Variants in ZSCAN21 observed in about 807,000 individuals in gnomAD.
ZSCAN21 encodes the protein zinc finger and SCAN domain containing 21.
A neutral mutation model predicts 35.6 loss-of-function variants in ZSCAN21; 26 were observed. That is an observed-to-expected ratio of 0.73 (90% CI 0.54 to 1.01). The LOEUF (loss-of-function observed/expected upper bound fraction) is 1.01, where lower values mean the gene tolerates loss of function less well. Ranked by LOEUF, ZSCAN21 falls within the 50% of genes least tolerant of loss-of-function variation. The pLI, the probability that ZSCAN21 is intolerant of heterozygous loss-of-function variation, is 0.00. For synonymous variants in ZSCAN21, 219 were observed against 219.3 expected, an observed-to-expected ratio of 1.00 and a Z score of 0.01; for missense variants, 593 against 587.1, an observed-to-expected ratio of 1.01 and a Z score of -0.10.
Position 100,057,346 on chromosome 7 carries a change from G to A in ZSCAN21, c.340G>A (p.Glu114Lys), listed in dbSNP as rs765893826. 2 of 1,598,310 alleles carry A rather than the reference G, an allele frequency of 1.3e-6. No individual in the cohort carries two copies. Among genetic ancestry groups the A allele is most frequent in the South Asian group, 1.1e-5 (1 of 88,898 alleles). Residue 114 changes from glutamate (E) to lysine (K), a missense_variant, in exon 2 of 4, where the codon GAA becomes AAA. Transcript: ENST00000292450. ...GCAGGAGCATTGCCCGGAGAGCGCTGAAGAGGCTGTCACTCTCCTCGAAGA... is the reference window on the plus strand; with the variant it reads ...GCAGGAGCATTGCCCGGAGAGCGCTAAAGAGGCTGTCACTCTCCTCGAAGA... ...WVQEHCPESA[E>K]EAVTLLEDLE...
Position 100,064,919 on chromosome 7 carries a change from A to T in ZSCAN21, c.*302A>T. 1 of 1,612,878 alleles carries T rather than the reference A, an allele frequency of 6.2e-7. No homozygotes were observed. Among genetic ancestry groups the T allele is most frequent in the Non-Finnish European group, 8.5e-7 (1 of 1,179,552 alleles). ...AAACAGACGTGTATCCAGTCTAGTT[A>T]AGGAAGAAACATTAAGATTGTTTAA... is the stretch of plus-strand genomic sequence containing the variant. On this transcript the variant is annotated 3_prime_UTR_variant, in exon 4 of 4. Coordinates refer to ENST00000292450, the MANE Select transcript of ZSCAN21 (RefSeq NM_145914.3).
chr7:100,056,878 T>G, intron 1 of ZSCAN21, 33 bp from the exon 2 acceptor site: 2 of 1,000,962 alleles, frequency 2.0e-6, no homozygotes, highest in South Asian at 1.9e-5. Flanking sequence ...CACTTTTCAG[T>G]TTGATTATTT....
Position 100,063,911 on chromosome 7 carries a change from G to A in ZSCAN21, c.716G>A (p.Arg239Lys). The A allele has an allele frequency of 1.2e-6, 2 of 1,614,164 alleles. No homozygotes were observed. The highest frequency in any genetic ancestry group is 1.7e-6 in the Non-Finnish European group (2 of 1,180,038). ...AATAAACCTGAGGCCAGCTTAGAGA[G>A]GCAGTGCGTAAACCTTGAAAATGAA... is the stretch of plus-strand genomic sequence containing the variant. ...IANKPEASLERQCVNLENEKG... is the reference protein window; with the variant it reads ...IANKPEASLEKQCVNLENEKG... The change falls in exon 4 of 4, where the codon AGG (arginine) becomes AAG (lysine). Residue 239 changes from arginine (R) to lysine (K), a missense_variant. Physicochemically the swap from Arg to Lys is conservative, Grantham distance 26. Transcript: ENST00000292450.
intron 3 of ZSCAN21, among the ~76,000 whole-genome samples, chr7:100,060,912 G>A (rs970953527): frequency 7.3e-5 from 11 of 150,608 alleles, no homozygotes; most frequent in African/African-American, 2.2e-4. Context: ...TTAGTCGAGT[G>A]TATTGGTACA....
chr7:100,064,558 A>G lies in ZSCAN21; in HGVS notation c.1363A>G (p.Ser455Gly). ...WCHHCGKTFC[S>G]KSNLSKHQRV... ...TCATCACTGTGGAAAGACCTTCTGT[A>G]GCAAGTCCAATCTTTCCAAACATCA... Residue 455 changes from serine to glycine, a missense_variant, in exon 4 of 4, where the codon AGC becomes GGC. Transcript: ENST00000292450. 1 of 1,614,246 alleles carries G rather than the reference A, an allele frequency of 6.2e-7. No homozygotes were observed. Among genetic ancestry groups the G allele is most frequent in the Non-Finnish European group, 8.5e-7 (1 of 1,180,042 alleles).
At chr7:100,050,412 C>T (rs1791817117) in intron 1 of ZSCAN21, among the ~76,000 whole-genome samples, 1 of 152,124 alleles carries the variant, frequency 6.6e-6, no homozygotes, top group Non-Finnish European at 1.5e-5. Context: ...AGTGTCAGGA[C>T]AAAGTTGATT....
At chr7:100,051,008 A>G (rs1791840003) in intron 1 of ZSCAN21, among the ~76,000 whole-genome samples, 1 of 151,338 alleles carries the variant, frequency 6.6e-6, no homozygotes, top group Non-Finnish European at 1.5e-5. Flanking sequence ...CCTGACCAAC[A>G]TGGAGAAACC....
rs138818194 is a variant in ZSCAN21 at position 100,061,471 on chromosome 7, A to G, written c.593-2317A>G. ...TGGGAGGTGGAGGTTGCAGTGAGCT[A>G]AGATTATGCCACTGTACTCCCACCT... On this transcript the variant is annotated intron_variant, in intron 3 of 3. Coordinates refer to ENST00000292450, the MANE Select transcript of ZSCAN21 (RefSeq NM_145914.3). Among the ~76,000 whole-genome samples the G allele has an allele frequency of 7.9e-5, 12 of 152,254 alleles. No homozygotes were observed. The East Asian group carries it at 1.9e-3, about 24-fold the overall frequency.
rs368127416 is a variant in ZSCAN21, at chr7:100,056,984, G to A, written c.-23G>A. 1.8e-5 allele frequency: 28 copies of A among 1,555,738 alleles called. No homozygotes were observed. The highest frequency in any genetic ancestry group is 2.3e-5 in the Non-Finnish European group (27 of 1,150,350). ...CCTGCCCCACAGAGTCCCATCTTTG[G>A]TGAGGCTGTTTCTGGAGTTTACATG... On this transcript the variant is annotated 5_prime_UTR_variant, in exon 2 of 4. In the 5' UTR this introduces an upstream ATG that the reference lacks. Transcript: ENST00000292450.
rs752063106 is a variant in ZSCAN21, at chr7:100,063,949, C to A, written c.754C>A (p.Pro252Thr). 1 of 1,614,100 alleles carries A rather than the reference C, an allele frequency of 6.2e-7. No homozygotes were observed. The highest frequency in any genetic ancestry group is 1.7e-5 in the Admixed American group (1 of 60,008). Residue 252 changes from proline to threonine, a missense_variant, in exon 4 of 4, where the codon CCC (proline) becomes ACC (threonine). Pro to Thr is a conservative substitution (Grantham distance 38, BLOSUM62 -1). Coordinates refer to ENST00000292450, the MANE Select transcript of ZSCAN21 (RefSeq NM_145914.3). ...CCTTGAAAATGAAAAAGGAACAAAA[C>A]CCCCTCTTCAAGAGGCAGGCTCCAA... is the stretch of plus-strand genomic sequence containing the variant. Reference protein sequence around the residue: ...VNLENEKGTKPPLQEAGSKKG... With the variant: ...VNLENEKGTKTPLQEAGSKKG...
chr7:100,051,045 G>A (rs1196535701), intron 1 of ZSCAN21, among the ~76,000 whole-genome samples: 1 of 150,970 alleles, frequency 6.6e-6, no homozygotes, highest in Admixed American at 6.6e-5. Context: ...TACAAAATTA[G>A]GCGGGCGTGG....
Position 100,063,963 on chromosome 7 carries a change from G to T in ZSCAN21, c.768G>T (p.Glu256Asp). The T allele has an allele frequency of 6.2e-7, 1 of 1,614,132 alleles. No homozygotes were observed. The highest frequency in any genetic ancestry group is 8.5e-7 in the Non-Finnish European group (1 of 1,180,002). The change falls in exon 4 of 4, where the codon GAG (glutamate) becomes GAT (aspartate). Residue 256 changes from glutamate to aspartate, a missense_variant. Transcript: ENST00000292450. ...AAGGAACAAAACCCCCTCTTCAAGA[G>T]GCAGGCTCCAAGAAAGGTAGAGAAT... ...NEKGTKPPLQ[E>D]AGSKKGRESV... is the part of the protein sequence containing the mutation.
Position 100,064,306 on chromosome 7 carries a change from G to A in ZSCAN21, c.1111G>A (p.Gly371Arg). The change falls in exon 4 of 4, where the codon GGG (glycine) becomes AGG (arginine). Residue 371 changes from glycine (G) to arginine (R), a missense_variant. By Grantham distance (125) the Gly-to-Arg change is moderately radical (BLOSUM62 -2). Transcript: ENST00000292450. Reference sequence around the variant, plus strand: ...CAAAGATTGTGGCAAGGCTTTCAGCGGGAAAGGCAGCCTCATTCGTCACTA... The same window carrying A: ...CAAAGATTGTGGCAAGGCTTTCAGCAGGAAAGGCAGCCTCATTCGTCACTA... ...QCKDCGKAFS[G>R]KGSLIRHYRI... 2.5e-6 allele frequency: 4 copies of A among 1,613,990 alleles called. No individual in the cohort carries two copies. Among genetic ancestry groups the A allele is most frequent in the South Asian group, 1.1e-5 (1 of 91,066 alleles).
chr7:100,054,469 C>T (rs747112895), intron 1 of ZSCAN21, among the ~76,000 whole-genome samples: 9 of 151,710 alleles, frequency 5.9e-5, no homozygotes, highest in African/African-American at 1.9e-4. Flanking sequence ...AGGTTGGTCT[C>T]GAACTCCTGA....
At chr7:100,060,353 G>T (rs942933857) in intron 3 of ZSCAN21, among the ~76,000 whole-genome samples, 2 of 152,082 alleles carry the variant, frequency 1.3e-5, no homozygotes, top group East Asian at 3.9e-4. Flanking sequence ...CATGAGGTCA[G>T]GAGATGGAGA....
intron 3 of ZSCAN21, 96 bp downstream of exon 3, chr7:100,057,986 T>G (rs985887446): frequency 8.5e-7 from 1 of 1,178,788 alleles, no homozygotes; most frequent in African/African-American, 1.6e-5. Flanking sequence ...GGTGATTTCA[T>G]AGATTGACTT....
chr7:100,051,668 G>C (rs2116052690), intron 1 of ZSCAN21: 1 of 152,044 alleles, frequency 6.6e-6, no homozygotes, highest in South Asian at 2.1e-4. Flanking sequence ...TCTACTTTTA[G>C]AATCTATGGT....
intron 1 of ZSCAN21, among the ~76,000 whole-genome samples, chr7:100,053,547 T>TACATAGG (rs1491459059): frequency 2.1e-4 from 4 of 18,636 alleles, no homozygotes; most frequent in East Asian, 2.0e-3. Context: ...ACATACATAA[T>TACATAGG]TTTTTTTTTT....
intron 1 of ZSCAN21, among the ~76,000 whole-genome samples, chr7:100,055,963 C>T (rs1158843754): frequency 2.8e-5 from 4 of 144,852 alleles, no homozygotes; most frequent in African/African-American, 1.0e-4. Flanking sequence ...TTTTTTTAGA[C>T]GGAGTCTCGC....
Sources: allele counts gnomAD v4.1 joint callset (sites outside exome capture counted in the v4.1 genomes callset), GRCh38; gene constraint gnomAD v4.1.1; transcripts MANE v1.5; gene names NCBI Gene and HGNC (gene_info 2026-07-23, HGNC 2026-07-21).